Variants in PAK5 observed in about 807,000 individuals in gnomAD.
PAK5 encodes serine/threonine-protein kinase PAK 5.
In PAK5, 16 loss-of-function variants were observed where a neutral mutation model predicts 65.9. The ratio of observed to expected loss-of-function variants is 0.24; its 90% CI spans 0.16 to 0.37. The LOEUF (loss-of-function observed/expected upper bound fraction) is 0.37, where lower values mean the gene tolerates loss of function less well. PAK5 is among the 10% of genes least tolerant of loss of function. The pLI is 1.00. For synonymous variants in PAK5, 371 were observed against 354.9 expected, an observed-to-expected ratio of 1.05 and a Z score of -0.51; for missense variants, 785 against 903.9, an observed-to-expected ratio of 0.87 and a Z score of 1.69.
At chr20:9,540,761 T>A (rs1001851841) in intron 9 of PAK5, among the ~76,000 whole-genome samples, 11 of 150,994 alleles carry the variant, frequency 7.3e-5, no homozygotes, top group South Asian at 2.1e-4. Flanking sequence ...TTTGGAGACG[T>A]AGTCTCGCTG....
intron 1 of PAK5, among the ~76,000 whole-genome samples, chr20:9,826,527 T>C (rs776331954): frequency 1.3e-5 from 2 of 152,168 alleles, no homozygotes; most frequent in African/African-American, 4.8e-5. Flanking sequence ...CTGTCATAGA[T>C]AGTATCCATA....
At chr20:9,703,200 C>T (rs1418060891) in intron 2 of PAK5, among the ~76,000 whole-genome samples, 2 of 152,182 alleles carry the variant, frequency 1.3e-5, no homozygotes, top group Non-Finnish European at 2.9e-5. Context: ...AGAAAACTAT[C>T]GGGATCAGCT....
chr20:9,673,289 A>G (rs1473364089), intron 2 of PAK5, among the ~76,000 whole-genome samples: 4 of 152,236 alleles, frequency 2.6e-5, no homozygotes, highest in Non-Finnish European at 4.4e-5. Context: ...AGAATTAAAA[A>G]AGAAATGAAT....
At chr20:9,704,839 G>A (rs918808176) in intron 2 of PAK5, among the ~76,000 whole-genome samples, 27 of 152,214 alleles carry the variant, frequency 1.8e-4, no homozygotes, top group East Asian at 7.7e-4. Flanking sequence ...TATGTGACAC[G>A]CAACACCTCT....
At chr20:9,728,217 C>T (rs2048297688) in intron 1 of PAK5, among the ~76,000 whole-genome samples, 2 of 152,124 alleles carry the variant, frequency 1.3e-5, no homozygotes, top group Non-Finnish European at 2.9e-5. Flanking sequence ...ATGGTGCCAT[C>T]GATGAGGAAG....
chr20:9,668,773 T>C, intron 2 of PAK5, among the ~76,000 whole-genome samples: 1 of 152,340 alleles, frequency 6.6e-6, no homozygotes, highest in South Asian at 2.1e-4. Context: ...ACTGATAAAT[T>C]TTATTAAGAT....
At chr20:9,681,775 A>T (rs1259874389) in intron 2 of PAK5, among the ~76,000 whole-genome samples, 1 of 151,990 alleles carries the variant, frequency 6.6e-6, no homozygotes, top group African/African-American at 2.4e-5. Flanking sequence ...CTCATACTTT[A>T]TTCCTTTCTG....
chr20:9,777,719 A>G (rs892622946), intron 1 of PAK5, among the ~76,000 whole-genome samples: 1 of 152,212 alleles, frequency 6.6e-6, no homozygotes, highest in Non-Finnish European at 1.5e-5. Context: ...TTGAAATATT[A>G]GCTAGAAAGG....
At chr20:9,821,588 T>C (rs141693282) in intron 1 of PAK5, among the ~76,000 whole-genome samples, 2 of 152,294 alleles carry the variant, frequency 1.3e-5, no homozygotes, top group East Asian at 1.9e-4. Context: ...CCTCAACTGA[T>C]ACATTCTCAT....
chr20:9,676,916 T>C lies in PAK5; in HGVS notation c.-11-32577A>G, dbSNP rs1257844079. On this transcript the variant is annotated intron_variant, in intron 2 of 9. Transcript: ENST00000353224. ...TTCTGACAATAAAATTAGAGAATAC[T>C]GAGTCCAAATGGGTGTTGGCTAGCA... Among the ~76,000 whole-genome samples, 4 of 152,200 alleles carry C rather than the reference T, an allele frequency of 2.6e-5. 1 individual carries two copies. The highest frequency in any genetic ancestry group is 2.6e-4 in the Admixed American group (4 of 15,268).
intron 3 of PAK5, among the ~76,000 whole-genome samples, chr20:9,625,577 T>A (rs1376624905): frequency 2.0e-5 from 3 of 152,210 alleles, no homozygotes; most frequent in Non-Finnish European, 2.9e-5. Flanking sequence ...TTTTCTTTTC[T>A]TTTTCTTACG....
intron 1 of PAK5, among the ~76,000 whole-genome samples, chr20:9,780,018 A>G (rs749387459): frequency 6.6e-6 from 1 of 152,036 alleles, no homozygotes; most frequent in African/African-American, 2.4e-5. Flanking sequence ...CAATAACAAC[A>G]TTTCTTTAAA....
chr20:9,826,157 T>C (rs1360442834), intron 1 of PAK5, among the ~76,000 whole-genome samples: 1 of 152,162 alleles, frequency 6.6e-6, no homozygotes, highest in Non-Finnish European at 1.5e-5. Flanking sequence ...GTGTCTGTAT[T>C]TGTGTGTGTG....
At chr20:9,693,028 C>A (rs955221865) in intron 2 of PAK5, among the ~76,000 whole-genome samples, 3 of 152,144 alleles carry the variant, frequency 2.0e-5, no homozygotes, top group Non-Finnish European at 2.9e-5. Context: ...CCTCTACCAG[C>A]AAATCATGGG....
At chr20:9,808,670 A>G (rs970297780) in intron 1 of PAK5, among the ~76,000 whole-genome samples, 9 of 152,154 alleles carry the variant, frequency 5.9e-5, no homozygotes, top group African/African-American at 2.2e-4. Context: ...TGTTCAGAAC[A>G]GGCAAATTCA....
intron 1 of PAK5, among the ~76,000 whole-genome samples, chr20:9,735,884 T>C (rs997209806): frequency 2.7e-5 from 4 of 150,012 alleles, no homozygotes; most frequent in African/African-American, 7.4e-5. Context: ...CTTTGAGACA[T>C]AGCAATAGAA....
At chr20:9,797,734 CTGACTTA>C (rs58160650) in intron 1 of PAK5, among the ~76,000 whole-genome samples, 15,185 of 151,336 alleles carry the variant, frequency 0.1, 1,438 homozygotes, top group African/African-American at 0.24. Flanking sequence ...AGGAGATGAA[CTGACTTA>C]TGAGAAAATT....
rs562143273 is a variant in PAK5, at chr20:9,781,426, C to T, written c.-162+57336G>A. ...TTGCCTGGTCTGGAGCCTGGAGAGG[C>T]GAATAAGATAAGAAGATATCACACA... On this transcript the variant is annotated intron_variant, in intron 1 of 9. Coordinates refer to ENST00000353224, the MANE Select transcript of PAK5 (RefSeq NM_177990.4). Among the ~76,000 whole-genome samples, 8 of 152,126 alleles carry T rather than the reference C, an allele frequency of 5.3e-5. 1 individual carries two copies. The highest frequency in any genetic ancestry group is 1.4e-4 in the African/African-American group (6 of 41,490).
At chr20:9,832,850 A>G (rs1356760941) in intron 1 of PAK5, among the ~76,000 whole-genome samples, 4 of 152,180 alleles carry the variant, frequency 2.6e-5, no homozygotes, top group Middle Eastern at 3.4e-3. Context: ...GGACAATTCT[A>G]TTGGGGTGCT....
Sources: gnomAD v4.1 joint callset for allele counts (sites outside exome capture counted in the v4.1 genomes callset) on GRCh38, gnomAD v4.1.1 for gene constraint, MANE v1.5 for transcripts, NCBI Gene and HGNC (gene_info 2026-07-23, HGNC 2026-07-21) for gene names.